Variants in PIP4K2A observed in about 807,000 individuals in gnomAD.
The protein encoded by PIP4K2A is phosphatidylinositol-5-phosphate 4-kinase type 2 alpha, also known as phosphatidylinositol 5-phosphate 4-kinase type-2 alpha.
A neutral mutation model predicts 42.9 loss-of-function variants in PIP4K2A; 14 were observed. The ratio of observed to expected loss-of-function variants is 0.33; its 90% CI spans 0.22 to 0.51. The LOEUF (loss-of-function observed/expected upper bound fraction) is 0.51. PIP4K2A is among the 20% of genes least tolerant of loss of function. PIP4K2A has a pLI of 0.97. For synonymous variants in PIP4K2A, 192 were observed against 192.2 expected (o/e 1.00, Z 0.01); for missense variants, 434 against 519.8 (o/e 0.83, Z 1.61).
chr10:22,561,855 C>G (rs1159617239), intron 6 of PIP4K2A, among the ~76,000 whole-genome samples: 1 of 152,118 alleles, frequency 6.6e-6, no homozygotes, highest in Non-Finnish European at 1.5e-5. Flanking sequence ...CGTGAGCCAC[C>G]ATGCCCAGCC....
At chr10:22,695,954 C>T (rs1839962510) in intron 1 of PIP4K2A, among the ~76,000 whole-genome samples, 1 of 152,140 alleles carries the variant, frequency 6.6e-6, no homozygotes, top group Non-Finnish European at 1.5e-5. Context: ...ACTCATCTCA[C>T]CTTAGAGCAT....
chr10:22,583,833 G>A (rs569224027), intron 4 of PIP4K2A, among the ~76,000 whole-genome samples: 108 of 152,234 alleles, frequency 7.1e-4, no homozygotes, highest in Non-Finnish European at 2.5e-4. Flanking sequence ...AGCTGAGCGT[G>A]TACGGTCTGC....
At chr10:22,553,019 C>G (rs1164050217) in intron 6 of PIP4K2A, among the ~76,000 whole-genome samples, 1 of 152,012 alleles carries the variant, frequency 6.6e-6, no homozygotes, top group Non-Finnish European at 1.5e-5. Flanking sequence ...TCAGGTTCAC[C>G]CCAGCAGAAT....
At chr10:22,674,571 A>G (rs1418230028) in intron 1 of PIP4K2A, among the ~76,000 whole-genome samples, 2 of 152,080 alleles carry the variant, frequency 1.3e-5, no homozygotes, top group African/African-American at 4.8e-5. Context: ...TCTTAGCTTT[A>G]GCTGACAATA....
chr10:22,609,703 G>A lies in PIP4K2A; in HGVS notation c.159C>T (p.Ser53=), dbSNP rs1284045076. 6 of 1,600,112 alleles carry A rather than the reference G, an allele frequency of 3.7e-6. No individual in the cohort carries two copies. Among genetic ancestry groups the A allele is most frequent in the Non-Finnish European group, 5.1e-6 (6 of 1,168,882 alleles). The change falls in exon 2 of 10, where the codon AGC becomes AGT. Residue 53 remains serine (S), a synonymous_variant. Coordinates refer to ENST00000376573, the MANE Select transcript of PIP4K2A (RefSeq NM_005028.5). The part of the protein sequence containing the change: ...WGVNHSINEL[S]HVQIPVMLMP... ...TCAACATAACAGGGATTTGAACATG[G>A]CTCAGTTCATTGATCTGGAAAAATA...
chr10:22,599,982 T>C (rs1484533035), intron 3 of PIP4K2A, among the ~76,000 whole-genome samples: 1 of 150,368 alleles, frequency 6.7e-6, no homozygotes, highest in East Asian at 1.9e-4. Context: ...AAGATGTTTA[T>C]TTCCGCAGTC....
intron 4 of PIP4K2A, among the ~76,000 whole-genome samples, chr10:22,581,565 TAAAAAAAAAAA>T (rs531477426): frequency 3.8e-5 from 3 of 78,674 alleles, no homozygotes; most frequent in Admixed American, 1.6e-4. Flanking sequence ...ATCCTATCTC[TAAAAAAAAAAA>T]AAAAAAAAAA....
chr10:22,567,615 G>T, intron 6 of PIP4K2A: 1 of 709,572 alleles, frequency 1.4e-6, no homozygotes, highest in Non-Finnish European at 2.6e-6. Context: ...CATGTGGAAT[G>T]TTCCTTCCAA....
At chr10:22,622,569 C>T (rs992114250) in intron 1 of PIP4K2A, among the ~76,000 whole-genome samples, 9 of 152,326 alleles carry the variant, frequency 5.9e-5, no homozygotes, top group African/African-American at 1.4e-4. Context: ...CCCATTCTGG[C>T]GGAAAGGCCC....
At chr10:22,680,469 G>A (rs1005967214) in intron 1 of PIP4K2A, among the ~76,000 whole-genome samples, 2 of 152,054 alleles carry the variant, frequency 1.3e-5, no homozygotes, top group South Asian at 2.1e-4. Flanking sequence ...TGAGCCACAC[G>A]TACCAGGAAC....
chr10:22,575,999 T>G (rs1837109027), intron 4 of PIP4K2A, among the ~76,000 whole-genome samples: 1 of 152,014 alleles, frequency 6.6e-6, no homozygotes, highest in African/African-American at 2.4e-5. Context: ...TACACACAGT[T>G]GTTCTCAAAC....
rs1320813508 is a variant in PIP4K2A at position 22,655,409 on chromosome 10, G to A, written c.145-45692C>T. ...CTGCTGCCCTGCCTTCCAGAACCAT[G>A]GTAATTTATGTTTCTTCTCTGCACA... On this transcript the variant is annotated intron_variant, in intron 1 of 9. Transcript: ENST00000376573. 5.9e-5 allele frequency among the ~76,000 whole-genome samples: 9 copies of A among 152,258 alleles called. 1 individual carries two copies. The South Asian group carries it at 1.2e-3, about 21-fold the overall frequency.
chr10:22,600,362 C>A (rs931017378), intron 3 of PIP4K2A, among the ~76,000 whole-genome samples: 1 of 152,092 alleles, frequency 6.6e-6, no homozygotes, highest in Non-Finnish European at 1.5e-5. Flanking sequence ...GCAGAACTCA[C>A]GTGACAGCCA....
intron 1 of PIP4K2A, among the ~76,000 whole-genome samples, chr10:22,644,601 C>T (rs1838844222): frequency 6.6e-6 from 1 of 152,208 alleles, no homozygotes; most frequent in South Asian, 2.1e-4. Flanking sequence ...TGGGGCTCCC[C>T]TCACCACCCT....
chr10:22,566,018 G>T (rs10159730), intron 6 of PIP4K2A, among the ~76,000 whole-genome samples: 4 of 151,922 alleles, frequency 2.6e-5, no homozygotes, highest in Non-Finnish European at 5.9e-5. Flanking sequence ...AGTGGTGCCC[G>T]AAACTTCATT....
chr10:22,700,546 C>G (rs1202400524), intron 1 of PIP4K2A, among the ~76,000 whole-genome samples: 1 of 152,162 alleles, frequency 6.6e-6, no homozygotes, highest in Non-Finnish European at 1.5e-5. Context: ...CCTCTGTGCA[C>G]ATCAGAAAAT....
chr10:22,687,190 G>T (rs971747537), intron 1 of PIP4K2A, among the ~76,000 whole-genome samples: 3 of 150,428 alleles, frequency 2.0e-5, no homozygotes, highest in Non-Finnish European at 4.4e-5. Flanking sequence ...TCAGATGAAA[G>T]AGAAACCCTT....
At chr10:22,702,650 C>A (rs1006084656) in intron 1 of PIP4K2A, among the ~76,000 whole-genome samples, 1 of 152,120 alleles carries the variant, frequency 6.6e-6, no homozygotes, top group Non-Finnish European at 1.5e-5. Flanking sequence ...AGTTTTTCCC[C>A]ACTCTCTAAC....
At chr10:22,594,368 G>T (rs1425355793) in intron 3 of PIP4K2A, among the ~76,000 whole-genome samples, 6 of 152,138 alleles carry the variant, frequency 3.9e-5, no homozygotes, top group African/African-American at 1.4e-4. Context: ...ATAATACTAT[G>T]TACCAGTACC....
Sources: gnomAD v4.1 joint callset for allele counts (sites outside exome capture counted in the v4.1 genomes callset) on GRCh38, gnomAD v4.1.1 for gene constraint, MANE v1.5 for transcripts, NCBI Gene and HGNC (gene_info 2026-07-23, HGNC 2026-07-21) for gene names.